Variants in NFU1 observed in about 807,000 individuals in gnomAD.
NFU1 encodes NFU1 iron-sulfur cluster scaffold homolog, mitochondrial.
In NFU1, 30 loss-of-function variants were observed where a neutral mutation model predicts 32.2. That is an observed-to-expected ratio of 0.93 (90% CI 0.70 to 1.26). The LOEUF (loss-of-function observed/expected upper bound fraction) is 1.26, where lower values mean the gene tolerates loss of function less well. NFU1 is among the 50% of genes most tolerant of loss of function. The pLI is 0.00. For synonymous variants in NFU1, 112 were observed against 104.6 expected (o/e 1.07, Z -0.43); for missense variants, 306 against 306.6 (o/e 1.00, Z 0.02).
At chr2:69,433,928 C>A (rs574159023) in intron 1 of NFU1, among the ~76,000 whole-genome samples, 30 of 144,172 alleles carry the variant, frequency 2.1e-4, no homozygotes, top group African/African-American at 7.3e-4. Flanking sequence ...TGTATGCCAC[C>A]ATGCCCAGCT....
chr2:69,422,432 G>A (rs541947331), intron 3 of NFU1, among the ~76,000 whole-genome samples: 1 of 152,228 alleles, frequency 6.6e-6, no homozygotes, highest in African/African-American at 2.4e-5. Context: ...TTTTAAAACT[G>A]TCCCCACTGA....
chr2:69,421,224 TAAAAAGTTAA>T (rs1360063309), intron 3 of NFU1, among the ~76,000 whole-genome samples: 1 of 151,508 alleles, frequency 6.6e-6, no homozygotes, highest in African/African-American at 2.4e-5. Context: ...AAAAAATAAA[TAAAAAGTTAA>T]AAATAAAATA....
At chr2:69,409,741 G>A (rs1446145346) in intron 5 of NFU1, among the ~76,000 whole-genome samples, 1 of 152,004 alleles carries the variant, frequency 6.6e-6, no homozygotes, top group Non-Finnish European at 1.5e-5. Context: ...GCTCTCAAAA[G>A]AACTAATAGA....
At chr2:69,418,505 C>T (rs552082543) in intron 4 of NFU1, among the ~76,000 whole-genome samples, 211 of 152,232 alleles carry the variant, frequency 1.4e-3, no homozygotes, top group African/African-American at 4.4e-3. Context: ...CTCGCTCTGT[C>T]GCCCAGGCTG....
intron 1 of NFU1, among the ~76,000 whole-genome samples, chr2:69,432,497 C>A (rs1673671919): frequency 6.6e-6 from 1 of 151,968 alleles, no homozygotes; most frequent in Admixed American, 6.6e-5. Context: ...TTGCTTGAAC[C>A]CAGGAGGCAG....
At chr2:69,413,565 A>G (rs1330357898) in intron 5 of NFU1, among the ~76,000 whole-genome samples, 1 of 152,210 alleles carries the variant, frequency 6.6e-6, no homozygotes, top group African/African-American at 2.4e-5. Flanking sequence ...GTTCGGGATC[A>G]GCCCGGCCAA....
At chr2:69,423,760 T>C (rs752438803) in intron 2 of NFU1, 43 bp from the exon 3 acceptor site, 158 of 1,436,978 alleles carry the variant, frequency 1.1e-4, no homozygotes, top group Non-Finnish European at 1.4e-4. Context: ...GAAAAAACAG[T>C]TAACAAGTTT....
At chr2:69,418,612 G>A (rs975961688) in intron 4 of NFU1, among the ~76,000 whole-genome samples, 2 of 152,098 alleles carry the variant, frequency 1.3e-5, no homozygotes, top group South Asian at 2.1e-4. Context: ...GGCTACAGGC[G>A]CCCGCCACCA....
rs1181393824 is a variant in NFU1 at position 69,396,178 on chromosome 2, A to C, written c.*68T>G. ...TAATCTTCAAGTTCCTCAGCATATT[A>C]ATAATAAAAACTTGATATATATTAT... On this transcript the variant is annotated 3_prime_UTR_variant, in exon 8 of 8. Transcript: ENST00000410022. 1 of 1,209,908 alleles carries C rather than the reference A, an allele frequency of 8.3e-7. No homozygotes were observed. The highest frequency in any genetic ancestry group is 1.5e-5 in the African/African-American group (1 of 66,346). 74.9% of individuals were successfully genotyped at this position (1,209,908 alleles called of 1,614,324 possible). A position where few individuals can be genotyped will look rare whatever the true frequency, so the allele number is the denominator to read the frequency against.
chr2:69,423,506 A>C, intron 3 of NFU1, 76 bp downstream of exon 3: 1 of 1,361,648 alleles, frequency 7.3e-7, no homozygotes, highest in Non-Finnish European at 1.0e-6. Flanking sequence ...GCAATAGTTA[A>C]ACAGAGTTGT....
chr2:69,429,035 C>A (rs185008040), intron 2 of NFU1, among the ~76,000 whole-genome samples: 2 of 152,240 alleles, frequency 1.3e-5, no homozygotes, highest in East Asian at 3.9e-4. Flanking sequence ...GAAAAAATAG[C>A]CGCAATGTCC....
chr2:69,406,356 G>C lies in NFU1; in HGVS notation c.485-274C>G, dbSNP rs72907055. Reference sequence around the variant, plus strand: ...ATCTTGATATGCTAATGATGTTAGGGTATGAAATTTTAAGCCAGTAAATAT... The same window carrying C: ...ATCTTGATATGCTAATGATGTTAGGCTATGAAATTTTAAGCCAGTAAATAT... On this transcript the variant is annotated intron_variant, in intron 5 of 7. Coordinates refer to ENST00000410022, the MANE Select transcript of NFU1 (RefSeq NM_001002755.4). Among the ~76,000 whole-genome samples, 711 of 152,262 alleles carry C rather than the reference G, an allele frequency of 4.7e-3. 11 individuals are homozygous for C. The highest frequency in any genetic ancestry group is 0.016 in the African/African-American group (685 of 41,564).
chr2:69,430,653 C>T (rs927726515), intron 2 of NFU1, among the ~76,000 whole-genome samples: 5 of 152,152 alleles, frequency 3.3e-5, no homozygotes, highest in Non-Finnish European at 5.9e-5. Context: ...GCCTATATGA[C>T]CACATATTTC....
chr2:69,416,664 C>T (rs1248781645), intron 4 of NFU1, among the ~76,000 whole-genome samples: 1 of 151,960 alleles, frequency 6.6e-6, no homozygotes, highest in Non-Finnish European at 1.5e-5. Flanking sequence ...TTGGGGAGGC[C>T]GAGGCGGGTG....
intron 5 of NFU1, among the ~76,000 whole-genome samples, chr2:69,409,839 C>T (rs1019549542): frequency 1.2e-4 from 19 of 152,176 alleles, no homozygotes; most frequent in Admixed American, 2.0e-4. Flanking sequence ...ATGACCCACT[C>T]ACCTCCCATT....
At chr2:69,427,257 C>T (rs1226492198) in intron 2 of NFU1, among the ~76,000 whole-genome samples, 5 of 147,456 alleles carry the variant, frequency 3.4e-5, no homozygotes, top group African/African-American at 7.6e-5. Flanking sequence ...TGGTGGCAGG[C>T]GCCTGTAATC....
intron 6 of NFU1, among the ~76,000 whole-genome samples, chr2:69,402,983 T>A (rs1236603989): frequency 6.8e-6 from 1 of 146,004 alleles, no homozygotes; most frequent in Non-Finnish European, 1.5e-5. Context: ...TCTCTTTTCT[T>A]TTCCCCTCCC....
chr2:69,417,536 C>CA (rs947580433), intron 4 of NFU1, among the ~76,000 whole-genome samples: 5 of 151,740 alleles, frequency 3.3e-5, no homozygotes, highest in Admixed American at 6.6e-5. Flanking sequence ...CCTGTAGTCC[C>CA]AGCTACTCGG....
intron 2 of NFU1, among the ~76,000 whole-genome samples, chr2:69,430,227 T>C (rs1673594885): frequency 6.6e-6 from 1 of 151,908 alleles, no homozygotes; most frequent in African/African-American, 2.4e-5. Flanking sequence ...CTTTTTTTTT[T>C]TTTGAGACAG....
Sources: gnomAD v4.1 joint callset for allele counts (sites outside exome capture counted in the v4.1 genomes callset) on GRCh38, gnomAD v4.1.1 for gene constraint, MANE v1.5 for transcripts, NCBI Gene and HGNC (gene_info 2026-07-23, HGNC 2026-07-21) for gene names.